The following IMPG2 variants were observed in gnomAD, a reference collection of about 807,000 sequenced individuals.
The protein encoded by IMPG2 is IPM 200.
A neutral mutation model predicts 129.2 loss-of-function variants in IMPG2; 91 were observed. The observed-to-expected ratio is 0.70, with a 90% confidence interval of 0.59 to 0.84. The LOEUF is 0.84. IMPG2 is among the 40% of genes least tolerant of loss of function. The pLI, the probability that IMPG2 is intolerant of heterozygous loss-of-function variation, is 0.00. For synonymous variants in IMPG2, 510 were observed against 517.7 expected (o/e 0.99, Z 0.20); for missense variants, 1,430 against 1,461.7 (o/e 0.98, Z 0.35).
chr3:101,257,383 C>T (rs1233747840), intron 10 of IMPG2, 146 bp downstream of exon 10: 3 of 930,108 alleles, frequency 3.2e-6, no homozygotes, highest in Admixed American at 2.1e-5. Flanking sequence ...AGCTGCATGG[C>T]TAAAACTCCA....
At chr3:101,284,504 A>G (rs1018590748) in intron 4 of IMPG2, among the ~76,000 whole-genome samples, 1 of 152,204 alleles carries the variant, frequency 6.6e-6, no homozygotes, top group African/African-American at 2.4e-5. Context: ...TTTTATTGGT[A>G]AACAAATTCT....
chr3:101,298,421 G>A (rs1021816199), intron 3 of IMPG2, among the ~76,000 whole-genome samples: 1 of 152,146 alleles, frequency 6.6e-6, no homozygotes, highest in Non-Finnish European at 1.5e-5. Flanking sequence ...TGTTATGTGT[G>A]AATTTGATTA....
At chr3:101,270,003 T>C (rs1382879235) in intron 7 of IMPG2, among the ~76,000 whole-genome samples, 1 of 147,444 alleles carries the variant, frequency 6.8e-6, no homozygotes, top group African/African-American at 2.5e-5. Context: ...CGATCTTGGC[T>C]CACTGCAAAC....
rs541519478 is a variant in IMPG2, at chr3:101,224,650, T to C, written c.*2319A>G. 6.6e-6 allele frequency: 1 copy of C among 152,344 alleles called. No individual in the cohort carries two copies. Among genetic ancestry groups the C allele is most frequent in the African/African-American group, 2.4e-5 (1 of 41,582 alleles). 9.4% of individuals were successfully genotyped at this position (152,344 alleles called of 1,614,324 possible). Reference sequence around the variant, plus strand: ...TTTGCTTTGTACATGAGTGGATGGATCTTTGCTGGGCAAACTGTGTTCTTC... The same window carrying C: ...TTTGCTTTGTACATGAGTGGATGGACCTTTGCTGGGCAAACTGTGTTCTTC... On this transcript the variant is annotated 3_prime_UTR_variant, in exon 19 of 19. Coordinates refer to ENST00000193391, the MANE Select transcript of IMPG2 (RefSeq NM_016247.4).
intron 8 of IMPG2, among the ~76,000 whole-genome samples, 193 bp from the exon 9 acceptor site, chr3:101,267,724 A>G (rs1045604673): frequency 3.3e-5 from 5 of 152,186 alleles, no homozygotes; most frequent in Admixed American, 2.0e-4. Context: ...TTTTAAAACC[A>G]TGGTCTTTAT....
chr3:101,297,572 G>C (rs1048134615), intron 3 of IMPG2, among the ~76,000 whole-genome samples: 1 of 152,180 alleles, frequency 6.6e-6, no homozygotes, highest in African/African-American at 2.4e-5. Context: ...TGCTTTAGCT[G>C]TGTCCCAGAG....
At chr3:101,302,761 C>CA (rs1375714023) in intron 3 of IMPG2, among the ~76,000 whole-genome samples, 3 of 151,864 alleles carry the variant, frequency 2.0e-5, no homozygotes, top group Non-Finnish European at 4.4e-5. Flanking sequence ...ATGTGGCAGG[C>CA]AAAAAACACA....
Position 101,243,725 on chromosome 3 carries a change from G to A in IMPG2, c.2606C>T (p.Ser869Leu). The change falls in exon 13 of 19, where the codon TCA becomes TTA. Residue 869 changes from serine to leucine, a missense_variant. Transcript: ENST00000193391. ...CATCTCTGTGGAGTGAACACTTGTT[G>A]ACATTTCCACATAACTACCAACCTT... The part of the protein sequence containing the change: ...NGKVGSYVEM[S>L]TSVHSTEMVS... 1 of 1,613,894 alleles carries A rather than the reference G, an allele frequency of 6.2e-7. No individual in the cohort carries two copies. The highest frequency in any genetic ancestry group is 8.5e-7 in the Non-Finnish European group (1 of 1,179,862).
intron 10 of IMPG2, among the ~76,000 whole-genome samples, chr3:101,254,100 A>T (rs1484171310): frequency 6.6e-6 from 1 of 152,076 alleles, no homozygotes; most frequent in Non-Finnish European, 1.5e-5. Context: ...GCTTATTTTT[A>T]AATTAATTTT....
intron 4 of IMPG2, among the ~76,000 whole-genome samples, chr3:101,279,000 A>G (rs1357048356): frequency 1.3e-5 from 2 of 152,180 alleles, no homozygotes; most frequent in East Asian, 3.9e-4. Flanking sequence ...AAACATTAAC[A>G]TAATCAGGCC....
At chr3:101,318,473 C>T (rs965278089) in intron 2 of IMPG2, among the ~76,000 whole-genome samples, 1 of 151,866 alleles carries the variant, frequency 6.6e-6, no homozygotes, top group Non-Finnish European at 1.5e-5. Context: ...ACAAAAATAT[C>T]AAATATATAA....
At chr3:101,290,551 C>T (rs1179675037) in intron 4 of IMPG2, among the ~76,000 whole-genome samples, 1 of 152,016 alleles carries the variant, frequency 6.6e-6, no homozygotes, top group Admixed American at 6.6e-5. Context: ...AAACCACACC[C>T]AAGAGACCAC....
intron 10 of IMPG2, among the ~76,000 whole-genome samples, chr3:101,257,129 G>C (rs1706618933): frequency 6.6e-6 from 1 of 151,824 alleles, no homozygotes; most frequent in Admixed American, 6.6e-5. Context: ...CCTTTCTTGA[G>C]CTCTTCCTTT....
chr3:101,237,950 A>G (rs1286107305), intron 14 of IMPG2, among the ~76,000 whole-genome samples: 1 of 152,114 alleles, frequency 6.6e-6, no homozygotes, highest in Non-Finnish European at 1.5e-5. Context: ...GTTCTAACCC[A>G]ATGCAAGGAA....
chr3:101,273,560 GTT>G lies in IMPG2; in HGVS notation c.828+19_828+20del. 1 of 1,366,698 alleles carries G rather than the reference GTT, an allele frequency of 7.3e-7. No individual in the cohort carries two copies. The highest frequency in any genetic ancestry group is 1.2e-5 in the South Asian group (1 of 80,138). The allele number at this position is 1,366,698 out of a possible 1,614,324, so 84.7% of individuals were successfully genotyped here. A position where few individuals can be genotyped will look rare whatever the true frequency, so the allele number is the denominator to read the frequency against. ...ACATAGCAGGCATACTGCCTTGTTT[GTT>G]TTTTTTTTAATCACCCACCTCTGAA... On this transcript the variant is annotated intron_variant, in intron 7 of 18. Coordinates refer to ENST00000193391, the MANE Select transcript of IMPG2 (RefSeq NM_016247.4).
intron 14 of IMPG2, among the ~76,000 whole-genome samples, chr3:101,241,891 T>G (rs1329067076): frequency 6.6e-6 from 1 of 151,846 alleles, no homozygotes; most frequent in African/African-American, 2.4e-5. Flanking sequence ...TAGCCAGGTG[T>G]GGTGGCAGGT....
intron 10 of IMPG2, among the ~76,000 whole-genome samples, chr3:101,254,786 G>A (rs933074054): frequency 3.3e-5 from 5 of 152,080 alleles, no homozygotes; most frequent in African/African-American, 7.2e-5. Context: ...GATCCCAAGC[G>A]TTGAAGGTGG....
At chr3:101,280,608 AGT>A (rs1277423707) in intron 4 of IMPG2, among the ~76,000 whole-genome samples, 2 of 152,314 alleles carry the variant, frequency 1.3e-5, no homozygotes, top group Admixed American at 1.3e-4. Context: ...TTAATGGGAC[AGT>A]GACATATATC....
chr3:101,243,633 C>T lies in IMPG2; in HGVS notation c.2698G>A (p.Val900Met), dbSNP rs770684809. ...GTCACTCGGAGGCTGAAGAAAACCA[C>T]CAAAGCTCCTGAAGTCTGGGTATAA... ...LSYTQTSGALVVFFSLRVTNM... is the reference protein window; with the variant it reads ...LSYTQTSGALMVFFSLRVTNM... Residue 900 changes from valine (V) to methionine (M), a missense_variant, in exon 13 of 19, where the codon GTG (valine) becomes ATG (methionine). Transcript: ENST00000193391. 2.3e-5 allele frequency: 37 copies of T among 1,613,842 alleles called. No homozygotes were observed. The South Asian group carries it at 3.6e-4, about 16-fold the overall frequency.
Sources: gnomAD v4.1 joint callset for allele counts (sites outside exome capture counted in the v4.1 genomes callset) on GRCh38, gnomAD v4.1.1 for gene constraint, MANE v1.5 for transcripts, NCBI Gene and HGNC (gene_info 2026-07-23, HGNC 2026-07-21) for gene names.